ZNF521: variants seen among roughly 807,000 people sequenced by gnomAD.
The protein encoded by ZNF521 is LYST-interacting protein 3.
Under a neutral mutation model 105.5 loss-of-function variants are expected in ZNF521, and 14 were observed. The observed-to-expected ratio is 0.13, with a 90% CI of 0.09 to 0.21. The LOEUF (loss-of-function observed/expected upper bound fraction) is 0.21, where lower values mean the gene tolerates loss of function less well. Among genes scored for constraint, ZNF521 ranks in the 10% least tolerant of loss-of-function variants. The pLI, the probability that ZNF521 is intolerant of heterozygous loss-of-function variation, is 1.00. For missense variants in ZNF521, 1,233 were observed against 1,629.7 expected, an observed-to-expected ratio of 0.76 and a Z score of 4.19; for synonymous variants, 635 against 606.0, an observed-to-expected ratio of 1.05 and a Z score of -0.70.
chr18:25,214,924 T>C (rs367841799), intron 4 of ZNF521, among the ~76,000 whole-genome samples: 5 of 151,958 alleles, frequency 3.3e-5, no homozygotes, highest in Admixed American at 1.3e-4. Flanking sequence ...AGGAAACATA[T>C]AGGAAACAGA....
rs771259169 is a variant in ZNF521 at position 25,227,238 on chromosome 18, T to C, written c.680A>G (p.Asn227Ser). The change falls in exon 4 of 8, where the codon AAC becomes AGC. Residue 227 changes from asparagine to serine, a missense_variant. By Grantham distance (46) the Asn-to-Ser change is conservative. Around this residue, in one of 6 missense-constraint regions of ZNF521, gnomAD observed 380 missense variants for 478.0 expected, o/e 0.80. Transcript: ENST00000361524. The surrounding 1 kb of genome is among the most constrained non-coding windows in gnomAD (Gnocchi z 5.7). The stretch of plus-strand genomic sequence containing the variant: ...GGAACCGGACTGAGAGCCGTCCTTG[T>C]TCCTCTCATGAACCTGCATGTGTCC... The part of the protein sequence containing the change: ...LHGHMQVHER[N>S]KDGSQSGSRM... The C allele has an allele frequency of 5.0e-6, 8 of 1,614,144 alleles. No homozygotes were observed. The highest frequency in any genetic ancestry group is 1.3e-5 in the African/African-American group (1 of 75,036).
In ZNF521 at chr18:25,225,967, T is replaced by A. The variant is rs1310029881; in HGVS notation, c.1951A>T (p.Thr651Ser). 4 of 1,613,962 alleles carry A rather than the reference T, an allele frequency of 2.5e-6. No individual in the cohort carries two copies. The highest frequency in any genetic ancestry group is 2.5e-6 in the Non-Finnish European group (3 of 1,180,008). The part of the protein sequence containing the change: ...AKYTSLDSFQ[T>S]HLKTHLDTVL... Reference sequence around the variant, plus strand: ...GTGTCGAGATGAGTTTTTAGGTGAGTCTGAAAGCTGTCTAGGGATGTGTAC... The same window carrying A: ...GTGTCGAGATGAGTTTTTAGGTGAGACTGAAAGCTGTCTAGGGATGTGTAC... Residue 651 changes from threonine to serine, a missense_variant, in exon 4 of 8, where the codon ACT (threonine) becomes TCT (serine). Thr to Ser is a moderately conservative substitution (Grantham distance 58). Around this residue, in one of 6 missense-constraint regions of ZNF521, gnomAD observed 614 missense variants for 751.5 expected, o/e 0.82. Transcript: ENST00000361524. The surrounding 1 kb of genome is among the most constrained non-coding windows in gnomAD (Gnocchi z 5.6).
chr18:25,300,700 C>T (rs1382945239), intron 3 of ZNF521, among the ~76,000 whole-genome samples: 2 of 151,752 alleles, frequency 1.3e-5, no homozygotes, highest in African/African-American at 4.8e-5. Flanking sequence ...TTTGCACCAA[C>T]CTAATAGGAA....
rs74961262 is a variant in ZNF521 at position 25,097,019 on chromosome 18, A to T, written c.3659-4938T>A. Among the ~76,000 whole-genome samples, 1,033 of 152,164 alleles carry T rather than the reference A, an allele frequency of 6.8e-3. 11 individuals are homozygous for T. The highest frequency in any genetic ancestry group is 0.024 in the African/African-American group (984 of 41,518). Reference sequence around the variant, plus strand: ...TCTAAGAAAACTATGCCCTAACCCAATTCCCAACCTCCCACCCTTTACTTT... The same window carrying T: ...TCTAAGAAAACTATGCCCTAACCCATTTCCCAACCTCCCACCCTTTACTTT... On this transcript the variant is annotated intron_variant, in intron 5 of 7. Coordinates refer to ENST00000361524, the MANE Select transcript of ZNF521 (RefSeq NM_015461.3).
chr18:25,266,188 G>A (rs1909239064), intron 3 of ZNF521, among the ~76,000 whole-genome samples: 1 of 152,174 alleles, frequency 6.6e-6, no homozygotes, highest in Admixed American at 6.5e-5. Flanking sequence ...CTTATAAAGA[G>A]TATAATTGGA....
At chr18:25,142,096 A>G (rs1161151320) in intron 5 of ZNF521, among the ~76,000 whole-genome samples, 2 of 152,094 alleles carry the variant, frequency 1.3e-5, no homozygotes, top group African/African-American at 4.8e-5. Flanking sequence ...CATCACACCA[A>G]AAAGGGAACA....
intron 2 of ZNF521, among the ~76,000 whole-genome samples, chr18:25,322,556 C>CAAAAAAAAAA (rs1311502086): frequency 6.8e-6 from 1 of 146,304 alleles, no homozygotes; most frequent in Non-Finnish European, 1.5e-5. Context: ...AAAAAAAACC[C>CAAAAAAAAAA]CCCCACTGTG....
intron 4 of ZNF521, among the ~76,000 whole-genome samples, chr18:25,196,123 A>G (rs1388759987): frequency 3.3e-5 from 5 of 151,812 alleles, no homozygotes; most frequent in Non-Finnish European, 5.9e-5. Context: ...TGTTTTCCAG[A>G]ACACATACTT....
chr18:25,185,599 T>C (rs1312453313), intron 5 of ZNF521, among the ~76,000 whole-genome samples: 1 of 152,174 alleles, frequency 6.6e-6, no homozygotes, highest in Non-Finnish European at 1.5e-5. Context: ...TGTTGCTTCA[T>C]TACAATACAG....
chr18:25,331,174 T>C (rs1913545998), intron 2 of ZNF521, among the ~76,000 whole-genome samples: 1 of 152,224 alleles, frequency 6.6e-6, no homozygotes, highest in Admixed American at 6.5e-5. Context: ...AAAACCAGCT[T>C]CTGTAGTTCC....
At chr18:25,295,726 T>A (rs954042202) in intron 3 of ZNF521, among the ~76,000 whole-genome samples, 2 of 152,234 alleles carry the variant, frequency 1.3e-5, no homozygotes, top group Non-Finnish European at 2.9e-5. Context: ...TTGGTTTGTT[T>A]TCAGTTTTGA....
At chr18:25,158,133 T>C (rs1180818012) in intron 5 of ZNF521, among the ~76,000 whole-genome samples, 1 of 152,160 alleles carries the variant, frequency 6.6e-6, no homozygotes, top group African/African-American at 2.4e-5. Flanking sequence ...ATAGTTGTGG[T>C]TTCGTTAAAT....
intron 3 of ZNF521, among the ~76,000 whole-genome samples, chr18:25,248,925 A>T (rs1009309055): frequency 1.3e-5 from 2 of 152,228 alleles, no homozygotes; most frequent in African/African-American, 4.8e-5. Context: ...ACTGGAACAC[A>T]GCCATTCTTA....
intron 2 of ZNF521, among the ~76,000 whole-genome samples, chr18:25,331,178 T>C (rs988190654): frequency 7.9e-5 from 12 of 152,204 alleles, no homozygotes; most frequent in Non-Finnish European, 8.8e-5. Flanking sequence ...CCAGCTTCTG[T>C]AGTTCCATGC....
intron 3 of ZNF521, among the ~76,000 whole-genome samples, chr18:25,297,447 A>C (rs1265151906): frequency 1.3e-5 from 2 of 152,194 alleles, no homozygotes; most frequent in African/African-American, 4.8e-5. Context: ...TTGTGTATTT[A>C]GTCTCACGCA....
Position 25,227,521 on chromosome 18 carries a change from G to A in ZNF521, c.397C>T (p.Leu133=), listed in dbSNP as rs756770561. ...CDKSFSRLSY[L]KHHEQSHSDK... ...CTGTGACTCTGCTCATGGTGCTTTAGGTAGCTGAGGCGGCTAAACGACTTG... is the reference window on the plus strand; with the variant it reads ...CTGTGACTCTGCTCATGGTGCTTTAAGTAGCTGAGGCGGCTAAACGACTTG... The change falls in exon 4 of 8, where the codon CTA becomes TTA. Residue 133 remains leucine, a synonymous_variant. Coordinates refer to ENST00000361524, the MANE Select transcript of ZNF521 (RefSeq NM_015461.3). The surrounding 1 kb of genome is among the most constrained non-coding windows in gnomAD (Gnocchi z 5.7). 3.7e-6 allele frequency: 6 copies of A among 1,614,122 alleles called. No individual in the cohort carries two copies. Among genetic ancestry groups the A allele is most frequent in the Non-Finnish European group, 5.1e-6 (6 of 1,180,016 alleles).
At chr18:25,164,128 T>C (rs2035296489) in intron 5 of ZNF521, among the ~76,000 whole-genome samples, 1 of 152,224 alleles carries the variant, frequency 6.6e-6, no homozygotes, top group Non-Finnish European at 1.5e-5. Flanking sequence ...TTGGTATTTG[T>C]TCTAGGGTGG....
chr18:25,343,824 C>A (rs144887886), intron 2 of ZNF521, among the ~76,000 whole-genome samples: 217 of 152,098 alleles, frequency 1.4e-3, no homozygotes, highest in Non-Finnish European at 2.1e-3. Context: ...TAAACTTAAT[C>A]TTTTTTTAAA....
intron 3 of ZNF521, among the ~76,000 whole-genome samples, chr18:25,261,084 A>G (rs1327484798): frequency 6.6e-6 from 1 of 152,148 alleles, no homozygotes; most frequent in Non-Finnish European, 1.5e-5. Flanking sequence ...TGGTTAAAGT[A>G]TGAACCGGAG....
Sources: gnomAD v4.1 joint callset for allele counts (sites outside exome capture counted in the v4.1 genomes callset) on GRCh38, gnomAD v4.1.1 for gene constraint, gnomAD v4.1.1 regional missense constraint, Gnocchi (gnomAD v3.1) non-coding constraint, MANE v1.5 for transcripts, NCBI Gene and HGNC (gene_info 2026-07-23, HGNC 2026-07-21) for gene names.